Variants in WDPCP observed in about 807,000 individuals in gnomAD.
WDPCP encodes WD repeat-containing and planar cell polarity effector protein fritz homolog.
A neutral mutation model predicts 93.1 loss-of-function variants in WDPCP; 71 were observed. The observed-to-expected ratio is 0.76, with a 90% confidence interval of 0.63 to 0.93. WDPCP has a LOEUF of 0.93. Among genes scored for constraint, WDPCP ranks in the 40% least tolerant of loss-of-function variants. WDPCP has a pLI of 0.00. For synonymous variants in WDPCP, 315 were observed against 315.0 expected (o/e 1.00, Z 0.00); for missense variants, 844 against 887.4 (o/e 0.95, Z 0.62).
At chr2:63,247,345 A>AT (rs1294717129) in intron 14 of WDPCP, among the ~76,000 whole-genome samples, 2 of 152,128 alleles carry the variant, frequency 1.3e-5, no homozygotes, top group East Asian at 1.9e-4. Flanking sequence ...TCCTGAACAC[A>AT]TTTTTTTACT....
At chr2:63,811,766 TC>T (rs1411966353) in intron 2 of WDPCP, among the ~76,000 whole-genome samples, 1 of 152,142 alleles carries the variant, frequency 6.6e-6, no homozygotes, top group Non-Finnish European at 1.5e-5. Flanking sequence ...CTATTCTCCC[TC>T]CCCATTTTGG....
chr2:63,751,687 G>C (rs1273172491), intron 2 of WDPCP: 18 of 503,908 alleles, frequency 3.6e-5, no homozygotes, highest in Non-Finnish European at 6.5e-5. Flanking sequence ...TTTCCTGGTA[G>C]TAACTAAAAT....
intron 12 of WDPCP, among the ~76,000 whole-genome samples, chr2:63,314,248 C>T (rs911040825): frequency 2.0e-5 from 3 of 151,818 alleles, no homozygotes; most frequent in African/African-American, 4.8e-5. Flanking sequence ...GCAATCATCG[C>T]CTTGACCTCC....
intron 3 of WDPCP, among the ~76,000 whole-genome samples, chr2:63,645,793 C>T (rs757260337): frequency 3.1e-4 from 47 of 152,274 alleles, no homozygotes; most frequent in Admixed American, 7.8e-4. Flanking sequence ...CTCTTAAAAT[C>T]TATTTTGTCT....
intron 2 of WDPCP, among the ~76,000 whole-genome samples, chr2:63,675,815 A>G (rs950216967): frequency 2.6e-5 from 4 of 152,250 alleles, no homozygotes; most frequent in Admixed American, 1.3e-4. Context: ...ATGAAATAAT[A>G]TCATTTATTT....
intron 2 of WDPCP, among the ~76,000 whole-genome samples, chr2:63,805,650 G>A (rs1670753480): frequency 6.6e-6 from 1 of 152,174 alleles, no homozygotes; most frequent in Non-Finnish European, 1.5e-5. Flanking sequence ...GAAGAGTAGG[G>A]ATAAGCACAC....
chr2:63,184,333 G>A (rs1438437796), intron 14 of WDPCP, among the ~76,000 whole-genome samples: 1 of 151,820 alleles, frequency 6.6e-6, no homozygotes, highest in Non-Finnish European at 1.5e-5. Flanking sequence ...ATAGTTTTGT[G>A]TATTTTTTAT....
intron 9 of WDPCP, among the ~76,000 whole-genome samples, chr2:63,425,507 T>C (rs575320660): frequency 1.3e-5 from 2 of 152,152 alleles, no homozygotes; most frequent in South Asian, 2.1e-4. Flanking sequence ...AGTAGAAAGA[T>C]AAAACAGCCA....
chr2:63,750,327 A>G (rs997097379), intron 2 of WDPCP, among the ~76,000 whole-genome samples: 1 of 152,144 alleles, frequency 6.6e-6, no homozygotes, highest in African/African-American at 2.4e-5. Flanking sequence ...CTATGAAATT[A>G]AAAACTCTAA....
intron 2 of WDPCP, among the ~76,000 whole-genome samples, chr2:63,773,346 A>G (rs1165678409): frequency 6.6e-6 from 1 of 152,066 alleles, no homozygotes; most frequent in African/African-American, 2.4e-5. Flanking sequence ...TAAGGAGTAA[A>G]TGTTGTATAA....
chr2:63,607,007 A>G (rs1709546251), intron 3 of WDPCP: 1 of 1,601,570 alleles, frequency 6.2e-7, no homozygotes, highest in African/African-American at 1.3e-5. Context: ...GATGTTACTA[A>G]ATGCTTCAAA....
intron 10 of WDPCP, among the ~76,000 whole-genome samples, chr2:63,392,753 A>G (rs1558565821): frequency 1.3e-5 from 2 of 152,268 alleles, no homozygotes; most frequent in African/African-American, 2.4e-5. Context: ...TTTCAAAAGC[A>G]GACATCTATG....
intron 17 of WDPCP, among the ~76,000 whole-genome samples, chr2:63,136,502 G>GTGCATTTTATTTATA (rs1170618845): frequency 2.0e-5 from 3 of 152,174 alleles, no homozygotes; most frequent in African/African-American, 7.2e-5. Flanking sequence ...CTTAAGATGG[G>GTGCATTTTATTTATA]TGCATTTTAC....
intron 2 of WDPCP, among the ~76,000 whole-genome samples, chr2:63,784,768 A>G (rs2103984257): frequency 6.6e-6 from 1 of 152,320 alleles, no homozygotes; most frequent in South Asian, 2.1e-4. Flanking sequence ...CAACCCATGT[A>G]TACAACTGTA....
At chr2:63,412,909 G>A (rs770132172) in intron 9 of WDPCP, among the ~76,000 whole-genome samples, 3 of 152,052 alleles carry the variant, frequency 2.0e-5, no homozygotes, top group Admixed American at 6.5e-5. Flanking sequence ...CATGCTCATC[G>A]ATGGGTAGAA....
upstream of WDPCP, chr2:63,589,375 G>A: frequency 1.3e-6 from 2 of 1,550,560 alleles, no homozygotes. Context: ...TGTTTGATAA[G>A]GACGATAAGG....
At chr2:63,222,356 A>G (rs1414499537) in intron 14 of WDPCP, among the ~76,000 whole-genome samples, 2 of 152,198 alleles carry the variant, frequency 1.3e-5, no homozygotes, top group Non-Finnish European at 1.5e-5. Flanking sequence ...TTAGCACAAC[A>G]GGATTCCCTC....
chr2:63,163,559 G>A (rs2103913009), intron 15 of WDPCP, among the ~76,000 whole-genome samples: 1 of 152,190 alleles, frequency 6.6e-6, no homozygotes, highest in African/African-American at 2.4e-5. Flanking sequence ...ATACAGAAAT[G>A]GACTCCTAGA....
intron 2 of WDPCP, among the ~76,000 whole-genome samples, chr2:63,713,247 C>T (rs2103758644): frequency 1.3e-5 from 2 of 152,332 alleles, no homozygotes; most frequent in South Asian, 4.1e-4. Context: ...CCATTCCATA[C>T]ACACCCCTTT....
Sources: gnomAD v4.1 joint callset for allele counts (sites outside exome capture counted in the v4.1 genomes callset) on GRCh38, gnomAD v4.1.1 for gene constraint, MANE v1.5 for transcripts, NCBI Gene and HGNC (gene_info 2026-07-23, HGNC 2026-07-21) for gene names.